ZFHX3: variants seen among roughly 807,000 people sequenced by gnomAD.
ZFHX3 encodes zinc finger homeobox 3.
ZFHX3 carries 42 observed loss-of-function variants against 279.1 expected under a neutral mutation model. That is an observed-to-expected ratio of 0.15 (90% CI 0.12 to 0.19). ZFHX3 has a LOEUF of 0.19. ZFHX3 is among the 10% of genes least tolerant of loss of function. The pLI is 1.00. For synonymous variants in ZFHX3, 2,293 were observed against 1,957.8 expected (o/e 1.17, Z -4.52); for missense variants, 4,981 against 4,754.0 (o/e 1.05, Z -1.40).
chr16:72,900,155 A>AAAC (rs1555528625), intron 3 of ZFHX3, among the ~76,000 whole-genome samples: 9 of 149,544 alleles, frequency 6.0e-5, no homozygotes, highest in Admixed American at 6.7e-5. Flanking sequence ...AAAAAAAAAA[A>AAAC]CAAGAAGTGT....
intron 3 of ZFHX3, among the ~76,000 whole-genome samples, chr16:72,924,705 C>G (rs1394128537): frequency 6.6e-6 from 1 of 152,218 alleles, no homozygotes; most frequent in Non-Finnish European, 1.5e-5. Flanking sequence ...GACATCAATT[C>G]TGCTGTCAGT....
chr16:72,915,205 C>A (rs2039413254), intron 3 of ZFHX3, among the ~76,000 whole-genome samples: 1 of 152,172 alleles, frequency 6.6e-6, no homozygotes, highest in Admixed American at 6.5e-5. Flanking sequence ...CTCCATTTAA[C>A]CCTGTCTTTT....
chr16:73,026,370 C>T (rs929143452), intron 1 of ZFHX3, among the ~76,000 whole-genome samples: 1 of 150,206 alleles, frequency 6.7e-6, no homozygotes, highest in African/African-American at 2.5e-5. Flanking sequence ...AAGACTCTGT[C>T]TCAAAAACAA....
At chr16:73,054,442 ATTTTTTTT>A (rs34141418) in intron 1 of ZFHX3, among the ~76,000 whole-genome samples, 16 of 91,920 alleles carry the variant, frequency 1.7e-4, no homozygotes, top group Non-Finnish European at 2.4e-4. Flanking sequence ...AACCAGGAGG[ATTTTTTTT>A]TTTTTTTTTT....
chr16:73,879,484 G>T (rs1368011193), intron 1 of ZFHX3, among the ~76,000 whole-genome samples: 1 of 152,000 alleles, frequency 6.6e-6, no homozygotes, highest in Non-Finnish European at 1.5e-5. Flanking sequence ...TTTCATTCTG[G>T]TTGGTTCGCC....
At chr16:73,382,393 G>C (rs955084045) in intron 3 of ZFHX3, among the ~76,000 whole-genome samples, 39 of 152,138 alleles carry the variant, frequency 2.6e-4, no homozygotes, top group Admixed American at 2.2e-3. Flanking sequence ...TCTACAAAAG[G>C]CTCTTACCAA....
intron 7 of ZFHX3, among the ~76,000 whole-genome samples, chr16:73,094,891 T>C (rs913472779): frequency 1.3e-5 from 2 of 152,012 alleles, no homozygotes; most frequent in Non-Finnish European, 2.9e-5. Context: ...TGTATTTTTA[T>C]AGAGATAGGG....
chr16:73,007,456 T>C (rs1464026307), intron 1 of ZFHX3, among the ~76,000 whole-genome samples: 1 of 152,224 alleles, frequency 6.6e-6, no homozygotes, highest in Non-Finnish European at 1.5e-5. Flanking sequence ...TTTTTGTTTT[T>C]GTTTTTTTGA....
intron 8 of ZFHX3, among the ~76,000 whole-genome samples, chr16:73,086,098 A>T (rs1236379452): frequency 6.6e-6 from 1 of 152,168 alleles, no homozygotes; most frequent in African/African-American, 2.4e-5. Flanking sequence ...GTATATTTTT[A>T]AAATGCCATT....
In ZFHX3 at chr16:73,104,832, C is replaced by T. The variant is rs1314272091; in HGVS notation, c.-896-11234G>A. On this transcript the variant is annotated intron_variant, in intron 7 of 17. Coordinates refer to the ZFHX3 transcript ENST00000641206. ...CACTCCTTCAACCCCACCATTCTGT[C>T]CCCCATGTGCTCCTATAGCATTTTA... Among the ~76,000 whole-genome samples, 3 of 152,098 alleles carry T rather than the reference C, an allele frequency of 2.0e-5. No homozygotes were observed. The East Asian group carries it at 5.8e-4, about 29-fold the overall frequency.
intron 4 of ZFHX3, among the ~76,000 whole-genome samples, chr16:73,276,404 G>A (rs896275837): frequency 6.6e-6 from 1 of 151,964 alleles, no homozygotes; most frequent in African/African-American, 2.4e-5. Context: ...GGCTGGTTTT[G>A]AACACTTGGC....
chr16:72,940,097 A>G (rs111382499), intron 3 of ZFHX3, among the ~76,000 whole-genome samples: 63 of 151,950 alleles, frequency 4.1e-4, no homozygotes, highest in African/African-American at 1.5e-3. Flanking sequence ...TTTTTTATAG[A>G]GACAGGGTCT....
chr16:73,005,581 C>T (rs904116841), intron 1 of ZFHX3: 1 of 152,326 alleles, frequency 6.6e-6, no homozygotes, highest in Admixed American at 6.5e-5. Flanking sequence ...ATTACGAGAA[C>T]AGGAGATGGA....
At chr16:73,607,408 G>A (rs1421870146) in intron 2 of ZFHX3, among the ~76,000 whole-genome samples, 1 of 152,032 alleles carries the variant, frequency 6.6e-6, no homozygotes, top group Non-Finnish European at 1.5e-5. Context: ...TCATCACTGG[G>A]TATATATACC....
intron 1 of ZFHX3, among the ~76,000 whole-genome samples, chr16:73,787,849 G>C (rs1274541112): frequency 2.0e-5 from 3 of 149,658 alleles, no homozygotes; most frequent in African/African-American, 5.0e-5. Flanking sequence ...GTGTGTGTGT[G>C]TGTGAAAGAG....
intron 4 of ZFHX3, among the ~76,000 whole-genome samples, chr16:72,845,298 C>T (rs1044324788): frequency 3.9e-5 from 6 of 152,186 alleles, no homozygotes; most frequent in South Asian, 2.1e-4. Context: ...GCCTAGAGGA[C>T]GCACACTCCT....
chr16:72,951,622 T>C (rs1224618624), intron 2 of ZFHX3, among the ~76,000 whole-genome samples: 1 of 152,220 alleles, frequency 6.6e-6, no homozygotes, highest in Non-Finnish European at 1.5e-5. Flanking sequence ...GAAATATGTA[T>C]CATTCACTGG....
chr16:73,807,787 A>G (rs913254462), intron 1 of ZFHX3, among the ~76,000 whole-genome samples: 6 of 151,734 alleles, frequency 4.0e-5, no homozygotes, highest in Non-Finnish European at 8.8e-5. Flanking sequence ...TCAGTTTTCT[A>G]AGAAAAGACA....
chr16:73,427,528 C>T (rs2017830554), intron 3 of ZFHX3, among the ~76,000 whole-genome samples: 1 of 152,172 alleles, frequency 6.6e-6, no homozygotes, highest in Non-Finnish European at 1.5e-5. Flanking sequence ...CATTTCCAAG[C>T]TTCTAGCTCC....
Sources: allele counts gnomAD v4.1 joint callset (sites outside exome capture counted in the v4.1 genomes callset), GRCh38; gene constraint gnomAD v4.1.1; transcripts MANE v1.5; gene names NCBI Gene and HGNC (gene_info 2026-07-23, HGNC 2026-07-21).